KIAA0930: variants seen among roughly 807,000 people sequenced by gnomAD.
KIAA0930 encodes the protein KIAA0930, also known as uncharacterized protein KIAA0930.
Under a neutral mutation model 43.9 loss-of-function variants are expected in KIAA0930, and 24 were observed. That is an observed-to-expected ratio of 0.55 (90% CI 0.40 to 0.77). The LOEUF is 0.77. Ranked by LOEUF, KIAA0930 falls within the 30% of genes least tolerant of loss-of-function variation. The pLI, the probability that KIAA0930 is intolerant of heterozygous loss-of-function variation, is 0.00. For missense variants in KIAA0930, 461 were observed against 574.2 expected, an observed-to-expected ratio of 0.80 and a Z score of 2.02; for synonymous variants, 259 against 216.4, an observed-to-expected ratio of 1.20 and a Z score of -1.73.
Position 45,196,959 on chromosome 22 carries a change from C to A in KIAA0930, c.*217G>T. ...GGTGGGGGGCGATGGGCGGGGGGCA[C>A]AGGGCGGAGCAGCGCCAGCAGGGGA... On this transcript the variant is annotated 3_prime_UTR_variant, in exon 10 of 10. Coordinates refer to ENST00000336156, the MANE Select transcript of KIAA0930 (RefSeq NM_001009880.2). This position sits in a 1 kb window ranked among gnomAD's most constrained non-coding sequence, Gnocchi z 4.1. 1 of 514,790 alleles carries A rather than the reference C, an allele frequency of 1.9e-6. No individual in the cohort carries two copies. The highest frequency in any genetic ancestry group is 3.4e-6 in the Non-Finnish European group (1 of 291,922). The allele number at this position is 514,790 out of a possible 1,614,324, so 31.9% of individuals were successfully genotyped here.
At chr22:45,213,576 A>G (rs543453838) in intron 1 of KIAA0930, 6 of 936,600 alleles carry the variant, frequency 6.4e-6, no homozygotes, top group East Asian at 8.3e-5. Flanking sequence ...TCACGCTACT[A>G]CAGACCCTTG....
intron 1 of KIAA0930, among the ~76,000 whole-genome samples, chr22:45,219,521 A>C (rs2083754021): frequency 6.6e-6 from 1 of 152,078 alleles, no homozygotes; most frequent in African/African-American, 2.4e-5. Flanking sequence ...TTAAATAAAG[A>C]AAAATGTCCA....
chr22:45,233,853 G>A (rs1485006563), intron 1 of KIAA0930, among the ~76,000 whole-genome samples: 1 of 152,182 alleles, frequency 6.6e-6, no homozygotes, highest in Non-Finnish European at 1.5e-5. Flanking sequence ...ATGACGTATT[G>A]TTTACAAGTC....
chr22:45,203,731 C>A lies in KIAA0930; in HGVS notation c.657+114G>T, dbSNP rs915607201. The A allele has an allele frequency of 1.1e-5, 13 of 1,205,800 alleles. No homozygotes were observed. In the East Asian group the frequency reaches 3.1e-4, roughly 28 times the overall value. 74.7% of individuals were successfully genotyped at this position (1,205,800 alleles called of 1,614,324 possible). The stretch of plus-strand genomic sequence containing the variant: ...CCGGAGGGGCTGCAGGTACCCCTGG[C>A]GGCCGCTACCATGCACAAGCAGGCT... On this transcript the variant is annotated intron_variant, in intron 6 of 9. Coordinates refer to ENST00000336156, the MANE Select transcript of KIAA0930 (RefSeq NM_001009880.2).
intron 7 of KIAA0930, 57 bp downstream of exon 7, chr22:45,202,933 C>T (rs972317689): frequency 1.2e-4 from 168 of 1,430,784 alleles, no homozygotes; most frequent in East Asian, 3.5e-4. Flanking sequence ...ACGGGGGAGA[C>T]GGTGGAAAGT....
chr22:45,205,564 C>A, intron 4 of KIAA0930, 66 bp downstream of exon 4: 1 of 1,476,492 alleles, frequency 6.8e-7, no homozygotes, highest in African/African-American at 1.4e-5. Context: ...GAGGACTTGT[C>A]TCTCTCTGCC....
intron 1 of KIAA0930, chr22:45,212,539 C>G (rs1328164048): frequency 4.3e-6 from 6 of 1,402,302 alleles, no homozygotes; most frequent in South Asian, 3.3e-5. Context: ...ACCCACTCCC[C>G]CTGGCTGCGG....
chr22:45,224,423 C>A (rs2083786031), intron 1 of KIAA0930, among the ~76,000 whole-genome samples: 1 of 152,116 alleles, frequency 6.6e-6, no homozygotes, highest in African/African-American at 2.4e-5. Context: ...GCGTGGTGCT[C>A]AACACTGAGG....
At chr22:45,226,152 C>T (rs906030435) in intron 1 of KIAA0930, 2 of 433,666 alleles carry the variant, frequency 4.6e-6, no homozygotes, top group East Asian at 1.4e-4. Flanking sequence ...CTCCACTCAC[C>T]CTCAGCTGCT....
At chr22:45,235,875 C>G (rs1327617339) in intron 1 of KIAA0930, among the ~76,000 whole-genome samples, 2 of 152,232 alleles carry the variant, frequency 1.3e-5, no homozygotes, top group African/African-American at 2.4e-5. Context: ...GCACCTCCCA[C>G]TAAAGGCCCC....
In KIAA0930 at chr22:45,199,917, G is replaced by T; in HGVS notation, c.971C>A (p.Ser324Ter). 6.2e-7 allele frequency: 1 copy of T among 1,605,218 alleles called. No homozygotes were observed. The highest frequency in any genetic ancestry group is 8.5e-7 in the Non-Finnish European group (1 of 1,174,556). ...GAAGAACTCCTCGCTGTCGTTGGCC[G>T]AGTGCGACTTCTTCATCTCAGCGAT... ...NRIAEMKKSHSANDSEEFFRE... is the reference protein window; with the variant it reads ...NRIAEMKKSH Residue 324 changes from serine to a stop codon, truncating the protein, a stop_gained, in exon 8 of 10, where the codon TCG becomes TAG. Coordinates refer to ENST00000336156, the MANE Select transcript of KIAA0930 (RefSeq NM_001009880.2). LOFTEE classifies it high-confidence loss of function.
intron 9 of KIAA0930, 98 bp from the exon 10 acceptor site, chr22:45,197,314 G>T: frequency 1.9e-6 from 2 of 1,041,006 alleles, no homozygotes; most frequent in Non-Finnish European, 2.8e-6. Context: ...GCCCGCCTCA[G>T]CCACTCATGC....
At chr22:45,200,359 G>C (rs1045028352) in intron 7 of KIAA0930, 3 of 298,458 alleles carry the variant, frequency 1.0e-5, no homozygotes, top group Non-Finnish European at 1.2e-5. Flanking sequence ...AGTAACAACA[G>C]CTGCTGACGC....
At chr22:45,212,533 A>C in intron 1 of KIAA0930, 11 of 1,366,414 alleles carry the variant, frequency 8.1e-6, no homozygotes, top group East Asian at 2.7e-5. Flanking sequence ...ACCCCCACCC[A>C]CTCCCCCTGG....
At position 45,197,868 on chromosome 22, in the gene KIAA0930, G is replaced by C; in HGVS notation, c.1096C>G (p.Leu366Val). The C allele has an allele frequency of 2.5e-6, 4 of 1,614,200 alleles. No homozygotes were observed. Among genetic ancestry groups the C allele is most frequent in the Non-Finnish European group, 3.4e-6 (4 of 1,179,992 alleles). The change falls in exon 9 of 10, where the codon CTG becomes GTG. Residue 366 changes from leucine to valine, a missense_variant. Physicochemically the swap from Leu to Val is conservative, Grantham distance 32. Coordinates refer to ENST00000336156, the MANE Select transcript of KIAA0930 (RefSeq NM_001009880.2). ...AGGAAGTTTCCATCTGCTCTGTTCA[G>C]CTTCAGCCAGGACCCGACCAGGGAC... ...GRSLVGSWLK[L>V]NRADGNFLLY...
At chr22:45,218,336 T>A (rs2083746497) in intron 1 of KIAA0930, among the ~76,000 whole-genome samples, 1 of 94,272 alleles carries the variant, frequency 1.1e-5, no homozygotes, top group African/African-American at 5.2e-5. Flanking sequence ...TTTTTTGATT[T>A]TTTTTTTTTT....
rs186892920 is a variant in KIAA0930 at position 45,234,658 on chromosome 22, G to A, written c.64+5982C>T. On this transcript the variant is annotated intron_variant, in intron 1 of 9. Transcript: ENST00000336156. Reference sequence around the variant, plus strand: ...ACATAATCCAAATACAGACACCTTTGCACGTATAAAAAGCTTTGCTGCAAG... The same window carrying A: ...ACATAATCCAAATACAGACACCTTTACACGTATAAAAAGCTTTGCTGCAAG... Among the ~76,000 whole-genome samples the A allele has an allele frequency of 8.5e-5, 13 of 152,338 alleles. No individual in the cohort carries two copies. In the East Asian group the frequency reaches 2.5e-3, roughly 29 times the overall value.
At chr22:45,222,041 T>A (rs1446846560) in intron 1 of KIAA0930, among the ~76,000 whole-genome samples, 2 of 151,708 alleles carry the variant, frequency 1.3e-5, no homozygotes, top group Non-Finnish European at 2.9e-5. Context: ...GCCAAGAGTT[T>A]TTATGAAGAC....
chr22:45,226,526 A>G (rs1396409527), intron 1 of KIAA0930: 3 of 331,896 alleles, frequency 9.0e-6, no homozygotes, highest in Non-Finnish European at 1.8e-5. Context: ...TCCTGTGACC[A>G]CCGCACCTGC....
Sources: allele counts gnomAD v4.1 joint callset (sites outside exome capture counted in the v4.1 genomes callset), GRCh38; gene constraint gnomAD v4.1.1; non-coding constraint Gnocchi (gnomAD v3.1); transcripts MANE v1.5; gene names NCBI Gene and HGNC (gene_info 2026-07-23, HGNC 2026-07-21).